CDH13: variants seen among roughly 807,000 people sequenced by gnomAD.
CDH13 encodes the protein cadherin 13.
A neutral mutation model predicts 63.8 loss-of-function variants in CDH13; 24 were observed. That is an observed-to-expected ratio of 0.38 (90% CI 0.27 to 0.53). The LOEUF (loss-of-function observed/expected upper bound fraction) is 0.53, where lower values mean the gene tolerates loss of function less well. CDH13 is among the 20% of genes least tolerant of loss of function. CDH13 has a pLI of 0.85. For missense variants in CDH13, 1,049 were observed against 903.1 expected, an observed-to-expected ratio of 1.16 and a Z score of -2.07; for synonymous variants, 503 against 355.3, an observed-to-expected ratio of 1.42 and a Z score of -4.67.
chr16:82,754,958 G>C (rs954793171), intron 1 of CDH13, among the ~76,000 whole-genome samples: 1 of 152,186 alleles, frequency 6.6e-6, no homozygotes, highest in African/African-American at 2.4e-5. Flanking sequence ...TTGTTAAGGA[G>C]AAACTCAAGC....
At chr16:82,806,141 G>A (rs977337182) in intron 1 of CDH13, among the ~76,000 whole-genome samples, 2 of 152,140 alleles carry the variant, frequency 1.3e-5, no homozygotes, top group African/African-American at 4.8e-5. Flanking sequence ...CACTGTTTTA[G>A]TCTTTTCCCA....
intron 4 of CDH13, among the ~76,000 whole-genome samples, chr16:83,190,055 T>C (rs1272172240): frequency 6.6e-6 from 1 of 152,198 alleles, no homozygotes; most frequent in African/African-American, 2.4e-5. Flanking sequence ...TAAACCTCTT[T>C]CCTTTATAAA....
intron 2 of CDH13, among the ~76,000 whole-genome samples, chr16:82,966,778 A>G (rs1278719835): frequency 6.6e-6 from 1 of 152,128 alleles, no homozygotes; most frequent in Non-Finnish European, 1.5e-5. Context: ...AAAATTGCAG[A>G]CTCGATGCCC....
At chr16:83,457,257 C>T (rs1184633706) in intron 6 of CDH13, among the ~76,000 whole-genome samples, 1 of 152,184 alleles carries the variant, frequency 6.6e-6, no homozygotes, top group African/African-American at 2.4e-5. Context: ...ATGAAACACT[C>T]AGCACGTGCC....
At chr16:83,566,243 T>A (rs1203760759) in intron 7 of CDH13, among the ~76,000 whole-genome samples, 2 of 151,992 alleles carry the variant, frequency 1.3e-5, no homozygotes, top group Admixed American at 1.3e-4. Flanking sequence ...TTGGCATCGT[T>A]CCCCAGCACC....
chr16:82,729,381 G>T (rs73603152), intron 1 of CDH13, among the ~76,000 whole-genome samples: 1,778 of 152,182 alleles, frequency 0.012, 35 homozygotes, highest in African/African-American at 0.041. Context: ...CATGGGCTGC[G>T]CAATAGATGT....
At chr16:83,375,511 A>G (rs920431950) in intron 6 of CDH13, among the ~76,000 whole-genome samples, 5 of 152,220 alleles carry the variant, frequency 3.3e-5, no homozygotes, top group East Asian at 1.9e-4. Context: ...GAACTTGAAG[A>G]TAAGTAAGAC....
intron 7 of CDH13, among the ~76,000 whole-genome samples, chr16:83,545,341 A>G (rs1202541675): frequency 6.6e-6 from 1 of 152,218 alleles, no homozygotes; most frequent in Admixed American, 6.5e-5. Flanking sequence ...TAAATTAGAT[A>G]TTTACAAATT....
intron 2 of CDH13, among the ~76,000 whole-genome samples, chr16:82,885,570 G>C (rs2040860440): frequency 6.6e-6 from 1 of 151,374 alleles, no homozygotes; most frequent in Admixed American, 6.6e-5. Flanking sequence ...CACTTATCCT[G>C]CCTTGCATCC....
chr16:82,858,844 T>C (rs1030195957), intron 2 of CDH13: 1 of 302,372 alleles, frequency 3.3e-6, no homozygotes, highest in African/African-American at 2.1e-5. Flanking sequence ...CTACCTGTAG[T>C]TTCTCATACA....
chr16:83,371,575 C>G (rs530293883), intron 6 of CDH13, among the ~76,000 whole-genome samples: 1 of 152,150 alleles, frequency 6.6e-6, no homozygotes, highest in Non-Finnish European at 1.5e-5. Flanking sequence ...TGATGTACAA[C>G]TAAGCAATAC....
chr16:83,677,921 G>A (rs1397287580), intron 9 of CDH13, among the ~76,000 whole-genome samples: 12 of 152,114 alleles, frequency 7.9e-5, no homozygotes, highest in African/African-American at 2.9e-4. Flanking sequence ...TAAGGTTCAA[G>A]TCACTCAGTG....
intron 1 of CDH13, among the ~76,000 whole-genome samples, chr16:82,808,624 G>C (rs972724609): frequency 1.3e-5 from 2 of 152,136 alleles, no homozygotes; most frequent in African/African-American, 4.8e-5. Flanking sequence ...TTTTTCATAA[G>C]ATGATGTTGG....
chr16:83,124,062 C>G (rs776445845), intron 3 of CDH13, among the ~76,000 whole-genome samples: 3 of 151,988 alleles, frequency 2.0e-5, no homozygotes, highest in Non-Finnish European at 4.4e-5. Flanking sequence ...TTTGTTTGTT[C>G]TGAGCTGGAG....
intron 4 of CDH13, among the ~76,000 whole-genome samples, chr16:83,209,200 T>A (rs1430857745): frequency 6.6e-6 from 1 of 152,124 alleles, no homozygotes; most frequent in Non-Finnish European, 1.5e-5. Context: ...TATATAGCAT[T>A]TTCAGTTAGC....
At position 82,929,407 on chromosome 16, in the gene CDH13, T is replaced by C. The variant is rs564253367; in HGVS notation, c.157+70934T>C. On this transcript the variant is annotated intron_variant, in intron 2 of 13. Transcript: ENST00000567109. ...CTGTAATCCCAGCACTTTGGGAGGCTGAGGCGGGGTGGATCACAAGGTCAG... is the reference window on the plus strand; with the variant it reads ...CTGTAATCCCAGCACTTTGGGAGGCCGAGGCGGGGTGGATCACAAGGTCAG... Among the ~76,000 whole-genome samples, 13 of 151,994 alleles carry C rather than the reference T, an allele frequency of 8.6e-5. No homozygotes were observed. The East Asian group carries it at 2.5e-3, about 29-fold the overall frequency.
At chr16:83,567,269 A>G (rs559371250) in intron 7 of CDH13, among the ~76,000 whole-genome samples, 1 of 152,198 alleles carries the variant, frequency 6.6e-6, no homozygotes, top group Non-Finnish European at 1.5e-5. Flanking sequence ...GTGAGTCTGT[A>G]GAAGAAAAGG....
At chr16:83,508,119 A>AAGGTAGGG (rs1567722339) in intron 7 of CDH13, among the ~76,000 whole-genome samples, 1 of 75,494 alleles carries the variant, frequency 1.3e-5, no homozygotes, top group Non-Finnish European at 2.6e-5. Flanking sequence ...AAAAGGAAGG[A>AAGGTAGGG]AGGGAGGAAG....
intron 4 of CDH13, among the ~76,000 whole-genome samples, chr16:83,161,823 G>C (rs1258029250): frequency 6.6e-6 from 1 of 152,138 alleles, no homozygotes; most frequent in African/African-American, 2.4e-5. Context: ...CGAGATGAGA[G>C]TTTCAGAAGC....
Sources: gnomAD v4.1 joint callset for allele counts (sites outside exome capture counted in the v4.1 genomes callset) on GRCh38, gnomAD v4.1.1 for gene constraint, MANE v1.5 for transcripts, NCBI Gene and HGNC (gene_info 2026-07-23, HGNC 2026-07-21) for gene names.